Variants in PLA2R1 observed in about 807,000 individuals in gnomAD.
PLA2R1 encodes the protein phospholipase A2 receptor 1.
A neutral mutation model predicts 195.9 loss-of-function variants in PLA2R1; 158 were observed. The ratio of observed to expected loss-of-function variants is 0.81; its 90% CI spans 0.71 to 0.92. The LOEUF (loss-of-function observed/expected upper bound fraction) is 0.92, where lower values mean the gene tolerates loss of function less well. PLA2R1 is among the 40% of genes least tolerant of loss of function. PLA2R1 has a pLI of 0.00. For synonymous variants in PLA2R1, 586 were observed against 598.2 expected (o/e 0.98, Z 0.30); for missense variants, 1,626 against 1,764.6 (o/e 0.92, Z 1.41).
At chr2:160,044,720 A>C in intron 2 of PLA2R1, 54 bp downstream of exon 2, 1 of 1,472,006 alleles carries the variant, frequency 6.8e-7, no homozygotes, top group East Asian at 2.3e-5. Context: ...CTTTACTTAT[A>C]GGCAAACCTT....
chr2:160,005,961 C>A lies in PLA2R1; in HGVS notation c.1665-140G>T. Reference sequence around the variant, plus strand: ...TTTAGAACATGGAACAGGAAAACACCCAAAGACCCTGAACATTACTAATAA... The same window carrying A: ...TTTAGAACATGGAACAGGAAAACACACAAAGACCCTGAACATTACTAATAA... On this transcript the variant is annotated intron_variant, in intron 10 of 29. Coordinates refer to ENST00000283243, the MANE Select transcript of PLA2R1 (RefSeq NM_007366.5). 6.1e-6 allele frequency: 4 copies of A among 657,558 alleles called. No homozygotes were observed. The South Asian group carries it at 7.3e-5, about 12-fold the overall frequency. The allele number at this position is 657,558 out of a possible 1,614,324, so 40.7% of individuals were successfully genotyped here. A position where few individuals can be genotyped will look rare whatever the true frequency, so the allele number is the denominator to read the frequency against.
rs1199328102 is a variant in PLA2R1 at position 160,047,044 on chromosome 2, TAATA to T, written c.110-1891_110-1888del. Among the ~76,000 whole-genome samples the T allele has an allele frequency of 2.6e-5, 4 of 152,352 alleles. No homozygotes were observed. In the East Asian group the frequency reaches 7.7e-4, roughly 29 times the overall value. On this transcript the variant is annotated intron_variant, in intron 1 of 29. Transcript: ENST00000283243. ...ATGGTTTTGTAGTTCAGCTTCTACCTAATATATATGTTCAAATGTATTATAAGCT... is the reference window on the plus strand; with the variant it reads ...ATGGTTTTGTAGTTCAGCTTCTACCTTATATGTTCAAATGTATTATAAGCT...
intron 6 of PLA2R1, among the ~76,000 whole-genome samples, chr2:160,025,213 T>C (rs1693420241): frequency 6.6e-6 from 1 of 152,026 alleles, no homozygotes; most frequent in South Asian, 2.1e-4. Flanking sequence ...TTGTCAAAAA[T>C]AGATTGGGCA....
rs1054426621 is a variant in PLA2R1 at position 159,934,748 on chromosome 2, G to A, written c.*7030C>T. 3.9e-5 allele frequency: 6 copies of A among 152,158 alleles called. No homozygotes were observed. Among genetic ancestry groups the A allele is most frequent in the African/African-American group, 1.4e-4 (6 of 41,434 alleles). 9.4% of individuals were successfully genotyped at this position (152,158 alleles called of 1,614,324 possible). On this transcript the variant is annotated 3_prime_UTR_variant, in exon 30 of 30. Transcript: ENST00000283243. ...TGCCAACTTAGTCCAGAGAGTTCCT[G>A]TACAGCCTCCTTCAGCTTCTTCTAA...
At chr2:159,987,410 G>T in intron 11 of PLA2R1, 52 bp from the exon 12 acceptor site, 1 of 1,304,258 alleles carries the variant, frequency 7.7e-7, no homozygotes, top group Non-Finnish European at 1.1e-6. Flanking sequence ...AACGTTTTGT[G>T]CTCAGAAGAC....
At chr2:159,988,821 CAAGA>C (rs2105327351) in intron 11 of PLA2R1, among the ~76,000 whole-genome samples, 1 of 152,092 alleles carries the variant, frequency 6.6e-6, no homozygotes, top group South Asian at 2.1e-4. Flanking sequence ...TGGAAAGACA[CAAGA>C]GAGGGAAAAT....
In PLA2R1 at chr2:159,979,990, A is replaced by G. The variant is rs890778493; in HGVS notation, c.2184-76T>C. Reference sequence around the variant, plus strand: ...TTATGTGAAAGGTTCAAAAAATACCAGCATGGCACATGTATACACATGTAA... The same window carrying G: ...TTATGTGAAAGGTTCAAAAAATACCGGCATGGCACATGTATACACATGTAA... On this transcript the variant is annotated intron_variant, in intron 13 of 29. Transcript: ENST00000283243. The G allele has an allele frequency of 2.8e-5, 23 of 809,164 alleles. No homozygotes were observed. The African/African-American group carries it at 3.9e-4, about 14-fold the overall frequency. 50.1% of individuals were successfully genotyped at this position (809,164 alleles called of 1,614,324 possible).
At chr2:160,055,481 C>T (rs1573989734) in intron 1 of PLA2R1, among the ~76,000 whole-genome samples, 1 of 152,188 alleles carries the variant, frequency 6.6e-6, no homozygotes, top group Non-Finnish European at 1.5e-5. Flanking sequence ...ATATCACTCC[C>T]ACATGTGGAA....
the PLA2R1 span, among the ~76,000 whole-genome samples, chr2:159,925,350 T>C: frequency 1.3e-5 from 2 of 152,200 alleles, no homozygotes; most frequent in African/African-American, 4.8e-5. Flanking sequence ...AAAAGATAAC[T>C]GAAATTAGCA....
At chr2:159,980,104 G>A (rs1211872755) in intron 13 of PLA2R1, among the ~76,000 whole-genome samples, 190 bp from the exon 14 acceptor site, 1 of 152,030 alleles carries the variant, frequency 6.6e-6, no homozygotes. Flanking sequence ...ATGTATGCAG[G>A]AAACAGCTGA....
chr2:160,009,883 G>A (rs1360669627), intron 10 of PLA2R1, among the ~76,000 whole-genome samples: 3 of 152,128 alleles, frequency 2.0e-5, no homozygotes, highest in Non-Finnish European at 4.4e-5. Flanking sequence ...CGAGGCAGGA[G>A]GATTGCTTGA....
At chr2:160,035,745 G>A (rs1318978626) in intron 3 of PLA2R1, among the ~76,000 whole-genome samples, 8 of 152,136 alleles carry the variant, frequency 5.3e-5, no homozygotes, top group Admixed American at 6.5e-5. Context: ...TTAATGAAGT[G>A]AAGTGCATAC....
At chr2:160,002,446 C>A (rs2105380684) in intron 11 of PLA2R1, among the ~76,000 whole-genome samples, 1 of 152,120 alleles carries the variant, frequency 6.6e-6, no homozygotes, top group East Asian at 1.9e-4. Context: ...AAAGTGAACA[C>A]TCTCCAATTC....
intron 1 of PLA2R1, among the ~76,000 whole-genome samples, chr2:160,058,660 G>A (rs889872167): frequency 1.3e-5 from 2 of 152,128 alleles, no homozygotes; most frequent in African/African-American, 4.8e-5. Flanking sequence ...TGTATCTGGA[G>A]TACTTGAGTG....
intron 9 of PLA2R1, among the ~76,000 whole-genome samples, chr2:160,016,273 A>AT (rs1558933230): frequency 6.8e-6 from 1 of 147,548 alleles, no homozygotes; most frequent in Non-Finnish European, 1.5e-5. Context: ...CAAAAAAAAA[A>AT]AAAGAAAAAG....
chr2:160,052,279 C>T (rs1695257889), intron 1 of PLA2R1, among the ~76,000 whole-genome samples: 1 of 152,196 alleles, frequency 6.6e-6, no homozygotes, highest in South Asian at 2.1e-4. Context: ...TTGTCTGTTA[C>T]CAACCCCTGT....
intron 20 of PLA2R1, among the ~76,000 whole-genome samples, chr2:159,957,423 C>T (rs553818895): frequency 2.6e-5 from 4 of 152,142 alleles, no homozygotes; most frequent in Admixed American, 6.5e-5. Flanking sequence ...GGTCAGATCT[C>T]GGCTCACTGC....
At chr2:159,972,073 G>C (rs1209467138) in intron 17 of PLA2R1, among the ~76,000 whole-genome samples, 2 of 152,106 alleles carry the variant, frequency 1.3e-5, no homozygotes, top group Non-Finnish European at 2.9e-5. Flanking sequence ...CCACGGGACT[G>C]GAAATCATGG....
intron 24 of PLA2R1, among the ~76,000 whole-genome samples, chr2:159,951,102 A>G (rs1687710152): frequency 1.3e-5 from 2 of 152,196 alleles, no homozygotes; most frequent in Non-Finnish European, 2.9e-5. Context: ...GAATGGTATT[A>G]ATTTCCAGAC....
Sources: gnomAD v4.1 joint callset for allele counts (sites outside exome capture counted in the v4.1 genomes callset) on GRCh38, gnomAD v4.1.1 for gene constraint, MANE v1.5 for transcripts, NCBI Gene and HGNC (gene_info 2026-07-23, HGNC 2026-07-21) for gene names.